PARN: variants seen among roughly 807,000 people sequenced by gnomAD.
The protein encoded by PARN is poly(A)-specific ribonuclease, also known as poly(A)-specific ribonuclease PARN.
A neutral mutation model predicts 102.8 loss-of-function variants in PARN; 71 were observed. That is an observed-to-expected ratio of 0.69 (90% CI 0.57 to 0.84). PARN has a LOEUF of 0.84. Among genes scored for constraint, PARN ranks in the 40% least tolerant of loss-of-function variants. The pLI is 0.00. For missense variants in PARN, 782 were observed against 760.9 expected, an observed-to-expected ratio of 1.03 and a Z score of -0.33; for synonymous variants, 261 against 252.9, an observed-to-expected ratio of 1.03 and a Z score of -0.30.
intron 12 of PARN, among the ~76,000 whole-genome samples, chr16:14,595,438 C>T (rs1018783370): frequency 4.6e-5 from 7 of 152,134 alleles, no homozygotes; most frequent in Non-Finnish European, 8.8e-5. Flanking sequence ...CATCATGGCT[C>T]AATGCAGCCT....
At chr16:14,526,069 C>A (rs182115385) in intron 21 of PARN, among the ~76,000 whole-genome samples, 5 of 152,084 alleles carry the variant, frequency 3.3e-5, no homozygotes, top group African/African-American at 1.2e-4. Flanking sequence ...TCGCCCACCT[C>A]AGCCTCCCAA....
chr16:14,571,173 C>G (rs1968786034), intron 18 of PARN, among the ~76,000 whole-genome samples: 1 of 151,988 alleles, frequency 6.6e-6, no homozygotes, highest in South Asian at 2.1e-4. Flanking sequence ...CACTTGAGGT[C>G]AGGAGTTCAA....
At chr16:14,564,323 C>G (rs762624134) in intron 18 of PARN, among the ~76,000 whole-genome samples, 3 of 152,196 alleles carry the variant, frequency 2.0e-5, no homozygotes, top group Non-Finnish European at 4.4e-5. Context: ...TATAGCTTCA[C>G]GTGATGGCGT....
At chr16:14,474,851 G>A (rs1453161622) in intron 22 of PARN, among the ~76,000 whole-genome samples, 2 of 152,222 alleles carry the variant, frequency 1.3e-5, no homozygotes, top group Non-Finnish European at 2.9e-5. Flanking sequence ...AAATGTGTAA[G>A]CACTTTGACA....
At chr16:14,479,246 T>C (rs1032629695) in intron 22 of PARN, among the ~76,000 whole-genome samples, 5 of 151,920 alleles carry the variant, frequency 3.3e-5, no homozygotes, top group Non-Finnish European at 7.4e-5. Flanking sequence ...CAGTAAAACC[T>C]TGTCTCTACA....
intron 21 of PARN, among the ~76,000 whole-genome samples, chr16:14,515,964 TAGAC>T (rs1158473939): frequency 7.2e-5 from 11 of 151,932 alleles, no homozygotes; most frequent in East Asian, 3.9e-4. Context: ...AATTGATAGA[TAGAC>T]AGACAAACAG....
chr16:14,576,801 G>A (rs1969170558), intron 18 of PARN, among the ~76,000 whole-genome samples: 2 of 152,130 alleles, frequency 1.3e-5, no homozygotes, highest in East Asian at 1.9e-4. Flanking sequence ...GAGGACTATG[G>A]GAGGTGCCCA....
At chr16:14,478,819 T>TC (rs1299968951) in intron 22 of PARN, among the ~76,000 whole-genome samples, 1 of 152,162 alleles carries the variant, frequency 6.6e-6, no homozygotes, top group Admixed American at 6.5e-5. Context: ...CTCGCTCTTG[T>TC]CCCCCAGGCT....
intron 22 of PARN, among the ~76,000 whole-genome samples, chr16:14,478,862 A>ACCT (rs1239963898): frequency 6.6e-6 from 1 of 152,042 alleles, no homozygotes; most frequent in African/African-American, 2.4e-5. Flanking sequence ...GCTCACTGCA[A>ACCT]CCTCCGCCTC....
chr16:14,483,612 C>T (rs1449296919), intron 21 of PARN, among the ~76,000 whole-genome samples: 1 of 152,130 alleles, frequency 6.6e-6, no homozygotes, highest in African/African-American at 2.4e-5. Context: ...ACCCACATGT[C>T]ATCCATCACG....
At chr16:14,437,144 C>T (rs757576764) in intron 23 of PARN, among the ~76,000 whole-genome samples, 13 of 152,200 alleles carry the variant, frequency 8.5e-5, no homozygotes, top group Non-Finnish European at 1.6e-4. Flanking sequence ...ATTAAAAGCC[C>T]ACCAAGGTGG....
At chr16:14,545,964 A>G (rs545827441) in intron 21 of PARN, among the ~76,000 whole-genome samples, 1 of 152,066 alleles carries the variant, frequency 6.6e-6, no homozygotes, top group Admixed American at 6.6e-5. Flanking sequence ...GTAAAAGGAG[A>G]AAAAAAACAG....
Position 14,584,763 on chromosome 16 carries a change from T to C in PARN, c.991A>G (p.Thr331Ala), listed in dbSNP as rs772057743. The change falls in exon 15 of 24, where the codon ACA (threonine) becomes GCA (alanine). Residue 331 changes from threonine to alanine, a missense_variant. By Grantham distance (58) the Thr-to-Ala change is moderately conservative. Transcript: ENST00000437198. ...RLLDTKLMASTQPFKDIINNT... is the reference protein window; with the variant it reads ...RLLDTKLMASAQPFKDIINNT... ...ATGAATAATACCTTAAAAGGTTGTG[T>C]GCTGGCCATCAATTTAGTATCCAAG... 25 of 1,572,012 alleles carry C rather than the reference T, an allele frequency of 1.6e-5. No homozygotes were observed. In the Admixed American group the frequency reaches 5.1e-4, roughly 32 times the overall value.
At chr16:14,588,168 G>T (rs1015700680) in intron 13 of PARN, among the ~76,000 whole-genome samples, 2 of 152,228 alleles carry the variant, frequency 1.3e-5, no homozygotes, top group Non-Finnish European at 1.5e-5. Flanking sequence ...AAAGTTAAGG[G>T]AAAGCTGTGA....
At chr16:14,567,690 G>A (rs1968513643) in intron 18 of PARN, among the ~76,000 whole-genome samples, 1 of 152,158 alleles carries the variant, frequency 6.6e-6, no homozygotes, top group African/African-American at 2.4e-5. Context: ...CCCTGACCTC[G>A]GTTCTGGCAT....
chr16:14,530,070 T>G (rs1306358638), intron 21 of PARN, among the ~76,000 whole-genome samples: 1 of 152,196 alleles, frequency 6.6e-6, no homozygotes, highest in Non-Finnish European at 1.5e-5. Context: ...GGTGTCAGAC[T>G]CTTCCTGATT....
chr16:14,543,870 A>G (rs897824883), intron 21 of PARN, among the ~76,000 whole-genome samples: 1 of 152,250 alleles, frequency 6.6e-6, no homozygotes, highest in Admixed American at 6.5e-5. Flanking sequence ...AAATACTCCA[A>G]TTAAATTTCA....
At chr16:14,514,998 A>G (rs1370718532) in intron 21 of PARN, among the ~76,000 whole-genome samples, 1 of 152,244 alleles carries the variant, frequency 6.6e-6, no homozygotes, top group African/African-American at 2.4e-5. Flanking sequence ...GTAACACAGT[A>G]TGTGGCCCAA....
At chr16:14,568,610 A>T (rs528738097) in intron 18 of PARN, among the ~76,000 whole-genome samples, 32 of 151,988 alleles carry the variant, frequency 2.1e-4, no homozygotes, top group African/African-American at 7.2e-4. Context: ...AAAATAATTT[A>T]AAAAAATGCC....
Sources: allele counts gnomAD v4.1 joint callset (sites outside exome capture counted in the v4.1 genomes callset), GRCh38; gene constraint gnomAD v4.1.1; transcripts MANE v1.5; gene names NCBI Gene and HGNC (gene_info 2026-07-23, HGNC 2026-07-21).